SYT1: variants seen among roughly 807,000 people sequenced by gnomAD.
SYT1 encodes synaptotagmin 1, also known as synaptotagmin-1.
In SYT1, 8 loss-of-function variants were observed where a neutral mutation model predicts 44.8. The observed-to-expected ratio is 0.18, with a 90% confidence interval of 0.10 to 0.32. The LOEUF is 0.32. Ranked by LOEUF, SYT1 falls within the 10% of genes least tolerant of loss-of-function variation. The pLI is 1.00. For synonymous variants in SYT1, 154 were observed against 188.8 expected, an observed-to-expected ratio of 0.82 and a Z score of 1.51; for missense variants, 286 against 509.3, an observed-to-expected ratio of 0.56 and a Z score of 4.22.
intron 3 of SYT1, among the ~76,000 whole-genome samples, chr12:79,063,377 T>C (rs775959639): frequency 6.6e-6 from 1 of 152,170 alleles, no homozygotes. Flanking sequence ...AAAAGCATAA[T>C]AATGTTTTTG....
intron 2 of SYT1, among the ~76,000 whole-genome samples, chr12:79,014,464 C>T (rs1450561348): frequency 6.6e-6 from 1 of 152,104 alleles, no homozygotes; most frequent in Non-Finnish European, 1.5e-5. Flanking sequence ...TGAAAAAATG[C>T]TCACCATCAC....
chr12:78,957,836 A>C (rs149776661), intron 1 of SYT1, among the ~76,000 whole-genome samples: 3 of 152,194 alleles, frequency 2.0e-5, no homozygotes, highest in Non-Finnish European at 4.4e-5. Context: ...TACAAAATGT[A>C]GAAAATCAGT....
chr12:79,334,397 C>A (rs1485623008), intron 8 of SYT1, among the ~76,000 whole-genome samples: 1 of 151,998 alleles, frequency 6.6e-6, no homozygotes, highest in Non-Finnish European at 1.5e-5. Context: ...AAGTGCTATA[C>A]TGAGGGTTTG....
At chr12:79,109,182 A>G (rs182911820) in intron 3 of SYT1, among the ~76,000 whole-genome samples, 60 of 152,240 alleles carry the variant, frequency 3.9e-4, no homozygotes, top group Middle Eastern at 3.4e-3. Context: ...TATGGCTCCA[A>G]CCCAGTGCGC....
intron 3 of SYT1, among the ~76,000 whole-genome samples, chr12:79,143,960 T>C (rs1869721480): frequency 6.6e-6 from 1 of 152,202 alleles, no homozygotes; most frequent in South Asian, 2.1e-4. Flanking sequence ...TCTGCTGTGA[T>C]GTGGATTTGT....
At chr12:78,988,628 CACA>C (rs1169315721) in intron 2 of SYT1, among the ~76,000 whole-genome samples, 1 of 151,796 alleles carries the variant, frequency 6.6e-6, no homozygotes, top group Non-Finnish European at 1.5e-5. Flanking sequence ...AAGAACAAGA[CACA>C]ACAACAGAGG....
intron 2 of SYT1, among the ~76,000 whole-genome samples, chr12:78,986,018 T>G (rs929160106): frequency 6.6e-6 from 1 of 152,080 alleles, no homozygotes; most frequent in African/African-American, 2.4e-5. Context: ...GCCTGCTTTT[T>G]ATGTAACCTA....
At chr12:79,051,291 T>A (rs1239869894) in intron 3 of SYT1, among the ~76,000 whole-genome samples, 1 of 150,742 alleles carries the variant, frequency 6.6e-6, no homozygotes, top group East Asian at 1.9e-4. Context: ...GTTATATATC[T>A]CCACAGTATA....
In SYT1 at chr12:79,285,811, T is replaced by C; in HGVS notation, c.191T>C (p.Ile64Thr). 1 of 1,608,588 alleles carries C rather than the reference T, an allele frequency of 6.2e-7. No homozygotes were observed. The highest frequency in any genetic ancestry group is 8.5e-7 in the Non-Finnish European group (1 of 1,178,680). Residue 64 changes from isoleucine to threonine, a missense_variant, in exon 5 of 11, where the codon ATA becomes ACA. Physicochemically the swap from Ile to Thr is moderately conservative, Grantham distance 89 (BLOSUM62 -1). This residue lies in a region of SYT1 where 141 missense variants were observed against 165.7 expected (regional missense o/e 0.85). Coordinates refer to ENST00000261205, the MANE Select transcript of SYT1 (RefSeq NM_005639.3). ...IPLPPWALIAIAIVAVLLVLT... is the reference protein window; with the variant it reads ...IPLPPWALIATAIVAVLLVLT... ...GTGCCACCGTGGGCCTTAATTGCAA[T>C]AGCCATAGTCGCAGTCCTTTTAGTC...
At chr12:79,226,536 C>G (rs937542436) in intron 4 of SYT1, among the ~76,000 whole-genome samples, 2 of 152,050 alleles carry the variant, frequency 1.3e-5, no homozygotes, top group Non-Finnish European at 2.9e-5. Flanking sequence ...AACAGAATGT[C>G]AAAGAATCTG....
chr12:78,962,277 G>A (rs1057227187), intron 1 of SYT1, among the ~76,000 whole-genome samples: 1 of 150,824 alleles, frequency 6.6e-6, no homozygotes, highest in Non-Finnish European at 1.5e-5. Flanking sequence ...CTTAATACGA[G>A]GTAAAGTATT....
At chr12:79,144,664 C>T (rs1869767170) in intron 3 of SYT1, among the ~76,000 whole-genome samples, 1 of 152,212 alleles carries the variant, frequency 6.6e-6, no homozygotes, top group Admixed American at 6.5e-5. Context: ...CAGAATACCT[C>T]TCAAACCTCT....
intron 9 of SYT1, among the ~76,000 whole-genome samples, chr12:79,359,142 T>C (rs1262359933): frequency 7.2e-5 from 11 of 152,158 alleles, no homozygotes; most frequent in Admixed American, 7.2e-4. Flanking sequence ...AAGTGTGCAG[T>C]TCTGCTCGTT....
chr12:78,918,760 C>A (rs2126623), intron 1 of SYT1, among the ~76,000 whole-genome samples: 1 of 151,940 alleles, frequency 6.6e-6, no homozygotes, highest in East Asian at 1.9e-4. Flanking sequence ...AGGATACGTC[C>A]TGAATGGCAA....
In SYT1 at chr12:78,898,006, T is replaced by C. The variant is rs530630068; in HGVS notation, c.-217+32897T>C. On this transcript the variant is annotated intron_variant, in intron 1 of 10. Coordinates refer to ENST00000261205, the MANE Select transcript of SYT1 (RefSeq NM_005639.3). ...AAACATCTCAGATGAAAAACCTCAC[T>C]AACCAAAACTCCTAATTACTAAATA... Among the ~76,000 whole-genome samples, 4 of 152,148 alleles carry C rather than the reference T, an allele frequency of 2.6e-5. No individual in the cohort carries two copies. In the East Asian group the frequency reaches 7.8e-4, roughly 30 times the overall value.
intron 8 of SYT1, among the ~76,000 whole-genome samples, chr12:79,345,272 A>C (rs890574484): frequency 2.6e-5 from 4 of 152,174 alleles, no homozygotes; most frequent in African/African-American, 9.7e-5. Flanking sequence ...GGCTTGCAGA[A>C]ATTTATAACG....
chr12:79,256,021 T>A (rs1877493276), intron 4 of SYT1, among the ~76,000 whole-genome samples: 2 of 152,186 alleles, frequency 1.3e-5, no homozygotes, highest in Non-Finnish European at 1.5e-5. Flanking sequence ...TTAAAATATA[T>A]CCCTAGAATA....
At chr12:79,118,977 T>TA (rs1879444048) in intron 3 of SYT1, among the ~76,000 whole-genome samples, 1 of 152,226 alleles carries the variant, frequency 6.6e-6, no homozygotes, top group Non-Finnish European at 1.5e-5. Flanking sequence ...ATCCTTCACT[T>TA]ACCCACTTTT....
At chr12:79,147,079 T>A (rs1455371841) in intron 3 of SYT1, among the ~76,000 whole-genome samples, 1 of 152,140 alleles carries the variant, frequency 6.6e-6, no homozygotes, top group African/African-American at 2.4e-5. Context: ...CACCTTATGA[T>A]TTGCCTGCCT....
Sources: gnomAD v4.1 joint callset for allele counts (sites outside exome capture counted in the v4.1 genomes callset) on GRCh38, gnomAD v4.1.1 for gene constraint, gnomAD v4.1.1 regional missense constraint, MANE v1.5 for transcripts, NCBI Gene and HGNC (gene_info 2026-07-23, HGNC 2026-07-21) for gene names.